The following TBC1D22A variants were observed in gnomAD, a reference collection of about 807,000 sequenced individuals.
The protein encoded by TBC1D22A is putative GTPase activator.
Under a neutral mutation model 60.2 loss-of-function variants are expected in TBC1D22A, and 38 were observed. The observed-to-expected ratio is 0.63, with a 90% CI of 0.49 to 0.83. The LOEUF (loss-of-function observed/expected upper bound fraction) is 0.83, where lower values mean the gene tolerates loss of function less well. TBC1D22A is among the 40% of genes least tolerant of loss of function. The pLI, the probability that TBC1D22A is intolerant of heterozygous loss-of-function variation, is 0.00. For synonymous variants in TBC1D22A, 302 were observed against 281.7 expected, an observed-to-expected ratio of 1.07 and a Z score of -0.72; for missense variants, 628 against 701.0, an observed-to-expected ratio of 0.90 and a Z score of 1.18.
chr22:46,905,761 A>G (rs5767395), intron 7 of TBC1D22A, among the ~76,000 whole-genome samples: 54,508 of 152,080 alleles, frequency 0.36, 11,647 homozygotes, highest in East Asian at 0.64. Flanking sequence ...CTGGTTTCCC[A>G]CAGGCTGTTC....
At chr22:46,833,178 T>TA (rs1402620280) in intron 4 of TBC1D22A, among the ~76,000 whole-genome samples, 3 of 152,242 alleles carry the variant, frequency 2.0e-5, no homozygotes, top group Non-Finnish European at 4.4e-5. Context: ...TAATTTTATA[T>TA]ATGTGATGAC....
chr22:46,999,807 CG>C (rs1189691570), intron 10 of TBC1D22A, among the ~76,000 whole-genome samples: 1 of 152,148 alleles, frequency 6.6e-6, no homozygotes, highest in African/African-American at 2.4e-5. Context: ...AGGCGGATCA[CG>C]AGGTCAGGAG....
chr22:46,920,332 G>A (rs2070676899), intron 8 of TBC1D22A, among the ~76,000 whole-genome samples: 1 of 152,052 alleles, frequency 6.6e-6, no homozygotes, highest in Non-Finnish European at 1.5e-5. Context: ...TTCTTCCTTG[G>A]CCTCTCAAAG....
At chr22:47,110,574 C>T (rs2065810423) in intron 11 of TBC1D22A, among the ~76,000 whole-genome samples, 1 of 152,174 alleles carries the variant, frequency 6.6e-6, no homozygotes, top group South Asian at 2.1e-4. Context: ...AAGTGGCATC[C>T]CTCTCTTCAC....
chr22:46,880,520 A>G (rs1451027854), intron 5 of TBC1D22A, among the ~76,000 whole-genome samples: 1 of 152,178 alleles, frequency 6.6e-6, no homozygotes, highest in East Asian at 1.9e-4. Context: ...TTTAACCATC[A>G]TAGCTTGCAG....
At chr22:46,896,006 C>T (rs751199370) in intron 7 of TBC1D22A, among the ~76,000 whole-genome samples, 1 of 152,228 alleles carries the variant, frequency 6.6e-6, no homozygotes, top group South Asian at 2.1e-4. Context: ...GTGTTCCCTC[C>T]GCACGCCGCA....
chr22:46,888,730 C>T (rs1054209530), intron 5 of TBC1D22A, among the ~76,000 whole-genome samples: 2 of 152,222 alleles, frequency 1.3e-5, no homozygotes, highest in Non-Finnish European at 2.9e-5. Flanking sequence ...TTTTTTGAGA[C>T]AGAGCCTTGC....
At chr22:46,887,495 G>T (rs980481663) in intron 5 of TBC1D22A, among the ~76,000 whole-genome samples, 1 of 152,188 alleles carries the variant, frequency 6.6e-6, no homozygotes, top group South Asian at 2.1e-4. Flanking sequence ...GGAGCTTCAA[G>T]AATCTTTAAA....
chr22:47,153,893 G>A (rs11913117), intron 12 of TBC1D22A, among the ~76,000 whole-genome samples: 3,405 of 152,226 alleles, frequency 0.022, 103 homozygotes, highest in African/African-American at 0.075. Flanking sequence ...GTGTGGAGGC[G>A]GGGAGTGGAC....
intron 12 of TBC1D22A, among the ~76,000 whole-genome samples, chr22:47,167,216 C>T (rs1192195157): frequency 6.6e-6 from 1 of 152,298 alleles, no homozygotes; most frequent in East Asian, 1.9e-4. Context: ...AAAGGTAACA[C>T]CCAGGTAACA....
chr22:46,909,448 A>G (rs1381522408), intron 7 of TBC1D22A, among the ~76,000 whole-genome samples: 1 of 152,010 alleles, frequency 6.6e-6, no homozygotes, highest in Non-Finnish European at 1.5e-5. Flanking sequence ...GCTGTAGAGG[A>G]TGCCGTGTGG....
rs1318848133 is a variant in TBC1D22A, at chr22:46,762,766, T to C, written c.-21T>C. ...GCACTCGGGGTGTCTGGGCCGCGGG[T>C]CTGAGGGATGAGGAGGGGCCATGGC... On this transcript the variant is annotated 5_prime_UTR_variant, in exon 1 of 13. Coordinates refer to ENST00000337137, the MANE Select transcript of TBC1D22A (RefSeq NM_014346.5). 37 of 1,425,492 alleles carry C rather than the reference T, an allele frequency of 2.6e-5. No homozygotes were observed. Among genetic ancestry groups the C allele is most frequent in the Non-Finnish European group, 3.4e-5 (37 of 1,094,414 alleles). 88.3% of individuals were successfully genotyped at this position (1,425,492 alleles called of 1,614,324 possible).
chr22:46,928,681 T>C (rs1338395674), intron 8 of TBC1D22A, among the ~76,000 whole-genome samples: 2 of 152,330 alleles, frequency 1.3e-5, no homozygotes, highest in East Asian at 1.9e-4. Context: ...AAGAGACTCA[T>C]ATCTAGTATA....
intron 7 of TBC1D22A, among the ~76,000 whole-genome samples, chr22:46,898,794 T>G (rs1049406985): frequency 1.1e-4 from 16 of 152,342 alleles, no homozygotes; most frequent in Admixed American, 9.2e-4. Context: ...GGCATGTAGC[T>G]TCATCGTGTA....
chr22:46,813,975 C>G (rs1411821650), intron 4 of TBC1D22A, among the ~76,000 whole-genome samples: 2 of 152,232 alleles, frequency 1.3e-5, no homozygotes, highest in African/African-American at 4.8e-5. Flanking sequence ...GGTGCTCCTT[C>G]CAGGAGCCTT....
At chr22:47,057,806 G>C (rs1275218140) in intron 11 of TBC1D22A, among the ~76,000 whole-genome samples, 1 of 152,186 alleles carries the variant, frequency 6.6e-6, no homozygotes, top group Non-Finnish European at 1.5e-5. Context: ...GATTATGGGA[G>C]CTACAATTCA....
At chr22:46,833,257 A>G (rs2086385803) in intron 4 of TBC1D22A, among the ~76,000 whole-genome samples, 1 of 152,258 alleles carries the variant, frequency 6.6e-6, no homozygotes, top group Non-Finnish European at 1.5e-5. Context: ...TTATTGGACC[A>G]TACTTATAGG....
At chr22:47,128,340 C>T (rs568329441) in intron 12 of TBC1D22A, among the ~76,000 whole-genome samples, 2 of 45,700 alleles carry the variant, frequency 4.4e-5, no homozygotes, top group South Asian at 2.1e-3. Context: ...TCCACATTTT[C>T]CCCAGCTCCT....
chr22:47,062,925 G>A (rs1328185812), intron 11 of TBC1D22A, among the ~76,000 whole-genome samples: 3 of 19,052 alleles, frequency 1.6e-4, no homozygotes, highest in African/African-American at 7.1e-4. Flanking sequence ...CATGTGCAAC[G>A]AGTTAGTTGG....
Sources: allele counts gnomAD v4.1 joint callset (sites outside exome capture counted in the v4.1 genomes callset), GRCh38; gene constraint gnomAD v4.1.1; transcripts MANE v1.5; gene names NCBI Gene and HGNC (gene_info 2026-07-23, HGNC 2026-07-21).